Variants in CDK5RAP1 observed in about 807,000 individuals in gnomAD.
CDK5RAP1 encodes the protein CDK5RAP1 mitochondrial tRNA methylthiotransferase.
A neutral mutation model predicts 64.5 loss-of-function variants in CDK5RAP1; 62 were observed. That is an observed-to-expected ratio of 0.96 (90% CI 0.78 to 1.19). CDK5RAP1 has a LOEUF of 1.19. Among genes scored for constraint, CDK5RAP1 ranks in the 50% most tolerant of loss-of-function variants. The pLI, the probability that CDK5RAP1 is intolerant of heterozygous loss-of-function variation, is 0.00. For missense variants in CDK5RAP1, 657 were observed against 735.0 expected (o/e 0.89, Z 1.23); for synonymous variants, 250 against 261.9 (o/e 0.95, Z 0.44).
At chr20:33,380,522 G>A (rs1013480592) in intron 7 of CDK5RAP1, among the ~76,000 whole-genome samples, 6 of 152,128 alleles carry the variant, frequency 3.9e-5, no homozygotes, top group African/African-American at 1.4e-4. Context: ...TCATGGTTAT[G>A]AAGAGAAAAA....
At chr20:33,360,538 G>T in intron 12 of CDK5RAP1, 47 bp from the exon 13 acceptor site, 1 of 1,560,908 alleles carries the variant, frequency 6.4e-7, no homozygotes, top group Non-Finnish European at 8.7e-7. Context: ...ACAGTTGTAA[G>T]TTCTTGGAGG....
chr20:33,398,599 A>T (rs1029154280), intron 1 of CDK5RAP1, among the ~76,000 whole-genome samples: 4 of 152,184 alleles, frequency 2.6e-5, no homozygotes, highest in African/African-American at 9.7e-5. Context: ...GTTCTGGTGC[A>T]TCCATACAAT....
intron 7 of CDK5RAP1, among the ~76,000 whole-genome samples, chr20:33,381,589 GCTAA>G (rs904620023): frequency 2.6e-5 from 4 of 152,048 alleles, no homozygotes; most frequent in African/African-American, 4.8e-5. Flanking sequence ...ACCACGCCAG[GCTAA>G]CTTTTTGTAT....
intron 5 of CDK5RAP1, among the ~76,000 whole-genome samples, chr20:33,389,567 G>A (rs1462124056): frequency 8.0e-5 from 12 of 150,302 alleles, no homozygotes; most frequent in African/African-American, 2.7e-4. Flanking sequence ...CCGGCCAGCC[G>A]CCCCGTCCGG....
chr20:33,368,093 T>C (rs1387270691), intron 11 of CDK5RAP1, among the ~76,000 whole-genome samples: 1 of 152,232 alleles, frequency 6.6e-6, no homozygotes, highest in Non-Finnish European at 1.5e-5. Context: ...GGTACCAATG[T>C]TGGAAACCAA....
intron 7 of CDK5RAP1, among the ~76,000 whole-genome samples, chr20:33,383,042 G>A (rs1986968187): frequency 6.6e-6 from 1 of 151,406 alleles, no homozygotes. Flanking sequence ...TTAGCTGGGT[G>A]TAGTGGTGCA....
At chr20:33,399,954 G>C (rs1457944213) in intron 1 of CDK5RAP1, among the ~76,000 whole-genome samples, 1 of 152,102 alleles carries the variant, frequency 6.6e-6, no homozygotes, top group Non-Finnish European at 1.5e-5. Flanking sequence ...TGAGGTAGGA[G>C]GATCACTTGA....
intron 10 of CDK5RAP1, 25 bp downstream of exon 10, chr20:33,372,617 A>T (rs1258398931): frequency 1.5e-6 from 2 of 1,374,032 alleles, no homozygotes; most frequent in Non-Finnish European, 2.0e-6. Context: ...TAACATGCTC[A>T]GCAGAATGAG....
rs374785718 is a variant in CDK5RAP1, at chr20:33,370,640, C to T, written c.1262-11G>A. ...TGCTGAGGCTCACACCTGTGATACA[C>T]AGCAAAGGATGACAGGTGACTGCCT... On this transcript the variant is annotated splice_polypyrimidine_tract_variant and intron_variant, in intron 10 of 13. Transcript: ENST00000346416. 2.9e-5 allele frequency: 46 copies of T among 1,613,984 alleles called. No homozygotes were observed. The highest frequency in any genetic ancestry group is 3.8e-5 in the Non-Finnish European group (45 of 1,179,984).
chr20:33,370,510 T>C lies in CDK5RAP1; in HGVS notation c.1381A>G (p.Ser461Gly), dbSNP rs1984810213. The change falls in exon 11 of 14, where the codon AGC becomes GGC. Residue 461 changes from serine to glycine, a missense_variant. By Grantham distance (56) the Ser-to-Gly change is moderately conservative (BLOSUM62 0). Transcript: ENST00000346416. ...QYNMGFLFAY[S>G]MRQKTRAYHR... ...ACCCCAGGGCTCACCTGTCTCATGC[T>C]GTAGGCAAAGAGGAAGCCCATGTTG... 1.9e-6 allele frequency: 3 copies of C among 1,614,066 alleles called. No homozygotes were observed. In the South Asian group the frequency reaches 3.3e-5, roughly 18 times the overall value.
chr20:33,401,372 C>A lies in CDK5RAP1; in HGVS notation c.-21+56G>T, dbSNP rs899059851. ...TCCCGGGATCCGCGGCCCCTCCTGC[C>A]CCAGGCGCCAGTCAAAAGCGGGTGC... On this transcript the variant is annotated intron_variant, in intron 1 of 13. Transcript: ENST00000346416. The A allele has an allele frequency of 6.1e-6, 6 of 983,698 alleles. No homozygotes were observed. The African/African-American group carries it at 1.0e-4, about 17-fold the overall frequency. 60.9% of individuals were successfully genotyped at this position (983,698 alleles called of 1,614,324 possible). A position where few individuals can be genotyped will look rare whatever the true frequency, so the allele number is the denominator to read the frequency against.
intron 12 of CDK5RAP1, among the ~76,000 whole-genome samples, chr20:33,361,482 T>A (rs1273390533): frequency 6.6e-6 from 1 of 152,092 alleles, no homozygotes; most frequent in South Asian, 2.1e-4. Context: ...ACTGAACAGT[T>A]CCCAGAACTC....
Position 33,385,735 on chromosome 20 carries a change from T to C in CDK5RAP1, c.791A>G (p.Tyr264Cys), listed in dbSNP as rs1207326646. 1.2e-6 allele frequency: 2 copies of C among 1,613,806 alleles called. No homozygotes were observed. Among genetic ancestry groups the C allele is most frequent in the East Asian group, 2.2e-5 (1 of 44,878 alleles). Residue 264 changes from tyrosine to cysteine, a missense_variant, in exon 7 of 14, where the codon TAC becomes TGC. Transcript: ENST00000346416. ...GCCCCGGGTGAAAGGAACAATGCAGTAGCTACACATGTTGTCACAGCCTCG... is the reference window on the plus strand; with the variant it reads ...GCCCCGGGTGAAAGGAACAATGCAGCAGCTACACATGTTGTCACAGCCTCG... ...IMRGCDNMCS[Y>C]CIVPFTRGRE...
chr20:33,400,748 G>C (rs1390552572), intron 1 of CDK5RAP1, among the ~76,000 whole-genome samples: 2 of 152,124 alleles, frequency 1.3e-5, no homozygotes, highest in African/African-American at 4.8e-5. Flanking sequence ...TCGCGGGGCA[G>C]GGGCTACAGT....
At chr20:33,372,566 G>A (rs1985235694) in intron 10 of CDK5RAP1, 76 bp downstream of exon 10, 2 of 648,744 alleles carry the variant, frequency 3.1e-6, no homozygotes, top group Non-Finnish European at 5.1e-6. Context: ...AATGCCAAAG[G>A]TGTTGACTGT....
chr20:33,389,627 T>TG (rs989775968), intron 5 of CDK5RAP1, among the ~76,000 whole-genome samples: 13 of 150,146 alleles, frequency 8.7e-5, no homozygotes, highest in East Asian at 2.0e-4. Context: ...GTCCAGGAGG[T>TG]GGGGGGCGCC....
chr20:33,365,436 T>C (rs1983735100), intron 12 of CDK5RAP1, among the ~76,000 whole-genome samples: 1 of 151,836 alleles, frequency 6.6e-6, no homozygotes. Context: ...CATACCCAAC[T>C]AATTTTTGTA....
At chr20:33,389,477 C>CGG (rs879587039) in intron 5 of CDK5RAP1, among the ~76,000 whole-genome samples, 9 of 152,032 alleles carry the variant, frequency 5.9e-5, no homozygotes, top group Non-Finnish European at 1.3e-4. Flanking sequence ...GCAGCCGCCC[C>CGG]GTCCGGGAGG....
intron 8 of CDK5RAP1, among the ~76,000 whole-genome samples, chr20:33,374,445 T>C (rs761582935): frequency 4.0e-5 from 5 of 126,512 alleles, no homozygotes; most frequent in Non-Finnish European, 1.7e-5. Flanking sequence ...GAGAAGAAAG[T>C]AAGCAGAGGT....
Sources: gnomAD v4.1 joint callset for allele counts (sites outside exome capture counted in the v4.1 genomes callset) on GRCh38, gnomAD v4.1.1 for gene constraint, MANE v1.5 for transcripts, NCBI Gene and HGNC (gene_info 2026-07-23, HGNC 2026-07-21) for gene names.